CTNNA2: variants seen among roughly 807,000 people sequenced by gnomAD.
CTNNA2 encodes the protein catenin alpha 2.
Under a neutral mutation model 101.0 loss-of-function variants are expected in CTNNA2, and 42 were observed. That is an observed-to-expected ratio of 0.42 (90% CI 0.32 to 0.54). The LOEUF is 0.54. Among genes scored for constraint, CTNNA2 ranks in the 20% least tolerant of loss-of-function variants. The pLI, the probability that CTNNA2 is intolerant of heterozygous loss-of-function variation, is 0.14. For synonymous variants in CTNNA2, 450 were observed against 456.4 expected, an observed-to-expected ratio of 0.99 and a Z score of 0.18; for missense variants, 871 against 1,223.1, an observed-to-expected ratio of 0.71 and a Z score of 4.29.
chr2:80,364,091 G>A (rs1245928473), intron 7 of CTNNA2, among the ~76,000 whole-genome samples: 3 of 152,030 alleles, frequency 2.0e-5, no homozygotes, highest in African/African-American at 7.2e-5. Flanking sequence ...TGTGTGGGGA[G>A]GACTGAGTTG....
chr2:79,553,426 C>G (rs997031529), intron 1 of CTNNA2, among the ~76,000 whole-genome samples: 3 of 152,134 alleles, frequency 2.0e-5, no homozygotes, highest in Non-Finnish European at 4.4e-5. Context: ...ATAGCAGTGC[C>G]CCACTCCTGG....
At chr2:79,673,161 T>G (rs1432461762) in intron 2 of CTNNA2, among the ~76,000 whole-genome samples, 1 of 152,232 alleles carries the variant, frequency 6.6e-6, no homozygotes, top group African/African-American at 2.4e-5. Context: ...GGGTTTTTAT[T>G]GATTGAATAT....
At chr2:79,322,666 G>A (rs543986151) in intron 3 of CTNNA2, among the ~76,000 whole-genome samples, 1 of 152,272 alleles carries the variant, frequency 6.6e-6, no homozygotes, top group African/African-American at 2.4e-5. Context: ...TGTTTTTCAA[G>A]GTATTTTTAT....
At chr2:79,348,025 A>C (rs1191092578) in intron 3 of CTNNA2, among the ~76,000 whole-genome samples, 1 of 152,106 alleles carries the variant, frequency 6.6e-6, no homozygotes, top group Admixed American at 6.6e-5. Context: ...AGAGCAGTAA[A>C]ACAAGGGTAG....
At chr2:79,324,236 G>T (rs6749525) in intron 3 of CTNNA2, among the ~76,000 whole-genome samples, 1 of 152,152 alleles carries the variant, frequency 6.6e-6, no homozygotes, top group African/African-American at 2.4e-5. Flanking sequence ...GCCACATAGG[G>T]GCACCCACCT....
chr2:80,025,340 G>A lies in CTNNA2; in HGVS notation c.1056+115543G>A, dbSNP rs368687834. Among the ~76,000 whole-genome samples, 18 of 152,264 alleles carry A rather than the reference G, an allele frequency of 1.2e-4. No individual in the cohort carries two copies. The East Asian group carries it at 1.7e-3, about 15-fold the overall frequency. On this transcript the variant is annotated intron_variant, in intron 7 of 18. Coordinates refer to ENST00000402739, the MANE Select transcript of CTNNA2 (RefSeq NM_001282597.3). ...ACCCAGCATTCCCCTGCCTCCTGTC[G>A]GTATCAGAGGGATGAGAGCACCTGC...
intron 11 of CTNNA2, among the ~76,000 whole-genome samples, chr2:80,548,720 G>A (rs920455457): frequency 6.6e-6 from 1 of 152,126 alleles, no homozygotes; most frequent in Non-Finnish European, 1.5e-5. Context: ...TCCGCAGACG[G>A]GGTTTGACAA....
chr2:79,976,844 A>G (rs906934445), intron 7 of CTNNA2, among the ~76,000 whole-genome samples: 5 of 152,174 alleles, frequency 3.3e-5, no homozygotes, highest in African/African-American at 1.2e-4. Context: ...CAGCAATCAT[A>G]CTTGCCCTCT....
chr2:79,620,874 A>T (rs1247747638), intron 1 of CTNNA2, among the ~76,000 whole-genome samples: 1 of 152,204 alleles, frequency 6.6e-6, no homozygotes, highest in Non-Finnish European at 1.5e-5. Context: ...TAAAAAGCTG[A>T]CTAGAGCGTT....
At chr2:79,482,484 G>T (rs1397202428) in intron 4 of CTNNA2, among the ~76,000 whole-genome samples, 1 of 152,260 alleles carries the variant, frequency 6.6e-6, no homozygotes, top group South Asian at 2.1e-4. Context: ...AGGAATTGTG[G>T]CAGCGCAGCT....
At chr2:79,508,955 G>C (rs1484877411), upstream of CTNNA2, among the ~76,000 whole-genome samples, 1 of 90,960 alleles carries the variant, frequency 1.1e-5, no homozygotes, top group African/African-American at 4.0e-5. Flanking sequence ...CACCATTGCA[G>C]TATATATATA....
Position 79,682,284 on chromosome 2 carries a change from G to A in CTNNA2, c.102+30626G>A, listed in dbSNP as rs543561234. Among the ~76,000 whole-genome samples the A allele has an allele frequency of 1.6e-4, 25 of 151,726 alleles. No individual in the cohort carries two copies. In the South Asian group the frequency reaches 2.5e-3, roughly 15 times the overall value. On this transcript the variant is annotated intron_variant, in intron 2 of 18. Transcript: ENST00000402739. ...AACTTAGCCAGGTGTGGTGGCGGGC[G>A]CCTGTAATCCCAGCTACTCGGGAGG...
At chr2:80,275,110 T>C (rs1673792391) in intron 7 of CTNNA2, among the ~76,000 whole-genome samples, 1 of 152,208 alleles carries the variant, frequency 6.6e-6, no homozygotes, top group South Asian at 2.1e-4. Flanking sequence ...ATTGGTTTTG[T>C]TTTTCTTTGT....
At chr2:79,474,645 A>G (rs1457956143) in intron 4 of CTNNA2, among the ~76,000 whole-genome samples, 1 of 152,182 alleles carries the variant, frequency 6.6e-6, no homozygotes, top group Non-Finnish European at 1.5e-5. Context: ...TTTTAATTTT[A>G]ATTTATATTA....
chr2:79,250,048 T>C (rs1674750326), intron 2 of CTNNA2, among the ~76,000 whole-genome samples: 1 of 152,182 alleles, frequency 6.6e-6, no homozygotes, highest in African/African-American at 2.4e-5. Context: ...CTGAGCATGC[T>C]ACATCCCATT....
intron 9 of CTNNA2, among the ~76,000 whole-genome samples, chr2:80,530,080 G>A (rs922702381): frequency 6.6e-6 from 1 of 152,114 alleles, no homozygotes; most frequent in African/African-American, 2.4e-5. Context: ...GTCCACTACT[G>A]ACCATGGCTC....
At chr2:79,872,704 G>A (rs1682686576) in intron 5 of CTNNA2, among the ~76,000 whole-genome samples, 1 of 152,130 alleles carries the variant, frequency 6.6e-6, no homozygotes, top group South Asian at 2.1e-4. Context: ...AATATAATGT[G>A]TTTGTCTCAG....
intron 7 of CTNNA2, among the ~76,000 whole-genome samples, chr2:80,092,604 A>C (rs1011300503): frequency 6.6e-6 from 1 of 152,138 alleles, no homozygotes; most frequent in African/African-American, 2.4e-5. Flanking sequence ...ATCCTTTTTC[A>C]ACATAGAAGA....
At chr2:80,477,900 G>T (rs1197364200) in intron 9 of CTNNA2, among the ~76,000 whole-genome samples, 1 of 152,022 alleles carries the variant, frequency 6.6e-6, no homozygotes, top group Non-Finnish European at 1.5e-5. Context: ...CCCCCTTTGG[G>T]TAGATATCCA....
Sources: gnomAD v4.1 joint callset for allele counts (sites outside exome capture counted in the v4.1 genomes callset) on GRCh38, gnomAD v4.1.1 for gene constraint, MANE v1.5 for transcripts, NCBI Gene and HGNC (gene_info 2026-07-23, HGNC 2026-07-21) for gene names.